Variants in MYH13 observed in about 807,000 individuals in gnomAD.
The protein encoded by MYH13 is myosin heavy chain 13, also known as myosin-13.
A neutral mutation model predicts 232.1 loss-of-function variants in MYH13; 177 were observed. That is an observed-to-expected ratio of 0.76 (90% CI 0.67 to 0.86). MYH13 has a LOEUF of 0.86. MYH13 is among the 40% of genes least tolerant of loss of function. MYH13 has a pLI of 0.00. For missense variants in MYH13, 2,246 were observed against 2,405.9 expected (o/e 0.93, Z 1.39); for synonymous variants, 884 against 923.5 (o/e 0.96, Z 0.78).
chr17:10,327,923 C>T lies in MYH13; in HGVS notation c.2634G>A (p.Glu878=), dbSNP rs372800057. 6.2e-6 allele frequency: 10 copies of T among 1,613,852 alleles called. No individual in the cohort carries two copies. The African/African-American group carries it at 1.1e-4, about 17-fold the overall frequency. The part of the protein sequence containing the change: ...ARSEARRKEL[E]EKMVSLLQEK... The stretch of plus-strand genomic sequence containing the variant: ...CCTGCAGGAGGGAGACCATTTTCTC[C>T]TCCAGCTCCTTCCGGCGAGCCTCAG... The change falls in exon 22 of 41, where the codon GAG becomes GAA. Residue 878 remains glutamate (E), a synonymous_variant. Coordinates refer to ENST00000252172, the MANE Select transcript of MYH13 (RefSeq NM_003802.3).
Position 10,318,799 on chromosome 17 carries a change from G to A in MYH13, c.3729C>T (p.Ser1243=). The change falls in exon 27 of 41, where the codon TCC becomes TCT. Residue 1243 remains serine, a synonymous_variant. Coordinates refer to ENST00000252172, the MANE Select transcript of MYH13 (RefSeq NM_003802.3). ...AGGGCCAGTCAGGTACCTTTGACTT[G>A]GAGAGAGCCTCGATGTTGCTGGCCA... ...DDMASNIEAL[S]KSKSNIERTC... 6.2e-7 allele frequency: 1 copy of A among 1,614,006 alleles called. No homozygotes were observed. The highest frequency in any genetic ancestry group is 8.5e-7 in the Non-Finnish European group (1 of 1,179,940).
intron 18 of MYH13, among the ~76,000 whole-genome samples, chr17:10,336,767 G>A (rs1176145522): frequency 1.3e-5 from 2 of 152,186 alleles, no homozygotes; most frequent in Middle Eastern, 3.4e-3. Flanking sequence ...GAACCTGCTT[G>A]GCCTGTTCAT....
intron 35 of MYH13, 66 bp from the exon 36 acceptor site, chr17:10,307,130 G>T: frequency 6.3e-7 from 1 of 1,578,648 alleles, no homozygotes; most frequent in African/African-American, 1.4e-5. Context: ...TTGGGAGAGG[G>T]TTGGCTGGGG....
chr17:10,306,899 G>A lies in MYH13; in HGVS notation c.5295+40C>T, dbSNP rs766088955. On this transcript the variant is annotated intron_variant, in intron 36 of 40. Transcript: ENST00000252172. This position sits in a 1 kb window ranked among gnomAD's most constrained non-coding sequence, Gnocchi z 4.3. ...CTGGCTCAGAGGCCCCACTTTCTCA[G>A]TTCCAAACCCCATCTCTGAAAAGGA... The A allele has an allele frequency of 1.2e-6, 2 of 1,610,930 alleles. No individual in the cohort carries two copies. Among genetic ancestry groups the A allele is most frequent in the Non-Finnish European group, 1.7e-6 (2 of 1,179,820 alleles).
Position 10,313,063 on chromosome 17 carries a change from G to A in MYH13, c.4181+95C>T, listed in dbSNP as rs777336420. Reference sequence around the variant, plus strand: ...CGAGTGTTTCAGAAACCACAAAGGCGTGGGCAGGAAAGAATCTCTCAAGAT... The same window carrying A: ...CGAGTGTTTCAGAAACCACAAAGGCATGGGCAGGAAAGAATCTCTCAAGAT... On this transcript the variant is annotated intron_variant, in intron 30 of 40. Coordinates refer to ENST00000252172, the MANE Select transcript of MYH13 (RefSeq NM_003802.3). The A allele has an allele frequency of 6.2e-5, 98 of 1,569,704 alleles. No homozygotes were observed. In the Admixed American group the frequency reaches 1.0e-3, roughly 16 times the overall value.
At chr17:10,309,908 C>A in intron 33 of MYH13, 78 bp from the exon 34 acceptor site, 2 of 1,191,852 alleles carry the variant, frequency 1.7e-6, no homozygotes, top group Non-Finnish European at 2.3e-6. Flanking sequence ...CCCATACGAT[C>A]AAATGGGTAT....
At chr17:10,323,321 C>A (rs1223084650) in intron 23 of MYH13, among the ~76,000 whole-genome samples, 1 of 152,208 alleles carries the variant, frequency 6.6e-6, no homozygotes, top group Non-Finnish European at 1.5e-5. Context: ...GTTATCCAGT[C>A]TTCTGCCTCC....
intron 29 of MYH13, among the ~76,000 whole-genome samples, chr17:10,314,960 A>G (rs62061561): frequency 0.056 from 8,512 of 152,264 alleles, 261 homozygotes; most frequent in Non-Finnish European, 0.068. Context: ...GTGCTCCCAA[A>G]ACCATGGAGC....
At position 10,349,568 on chromosome 17, in the gene MYH13, G is replaced by A. The variant is rs1174164122; in HGVS notation, c.1144+988C>T. Among the ~76,000 whole-genome samples the A allele has an allele frequency of 7.9e-5, 12 of 152,012 alleles. 1 individual carries two copies. The East Asian group carries it at 2.1e-3, about 27-fold the overall frequency. Reference sequence around the variant, plus strand: ...CTTGGAGTCCCCTCCACTGTGATGGGCAGGATTCTAGGATGGCACCCAAGG... The same window carrying A: ...CTTGGAGTCCCCTCCACTGTGATGGACAGGATTCTAGGATGGCACCCAAGG... On this transcript the variant is annotated intron_variant, in intron 12 of 40. Transcript: ENST00000252172.
rs1374200434 is a variant in MYH13, at chr17:10,312,033, T to G, written c.4409A>C (p.Glu1470Ala). Residue 1470 changes from glutamate to alanine, a missense_variant, in exon 32 of 41, where the codon GAG (glutamate) becomes GCG (alanine). Glu to Ala is a moderately radical substitution (Grantham distance 107). Coordinates refer to ENST00000252172, the MANE Select transcript of MYH13 (RefSeq NM_003802.3). ...GGACTCCTTCTGAGCAGCTTCCAAC[T>G]CAGCCTGGCTTTCGTCCAGCTTTTG... The part of the protein sequence containing the change: ...WKQKLDESQA[E>A]LEAAQKESRS... 5 of 1,613,848 alleles carry G rather than the reference T, an allele frequency of 3.1e-6. No individual in the cohort carries two copies. In the African/African-American group the frequency reaches 5.3e-5, roughly 17 times the overall value.
intron 7 of MYH13, among the ~76,000 whole-genome samples, chr17:10,358,239 G>A (rs2071764516): frequency 6.6e-6 from 1 of 152,142 alleles, no homozygotes; most frequent in Non-Finnish European, 1.5e-5. Flanking sequence ...CAAAGCAAGC[G>A]ACCCAGGGGA....
At chr17:10,334,363 A>T (rs1380483720) in intron 18 of MYH13, among the ~76,000 whole-genome samples, 1 of 152,194 alleles carries the variant, frequency 6.6e-6, no homozygotes, top group African/African-American at 2.4e-5. Flanking sequence ...ACTGTCAGAT[A>T]CCGTAGTGAC....
At chr17:10,322,366 C>G (rs1464413765) in intron 23 of MYH13, among the ~76,000 whole-genome samples, 1 of 152,152 alleles carries the variant, frequency 6.6e-6, no homozygotes, top group East Asian at 1.9e-4. Context: ...CCACTGCACT[C>G]TAGCCTGGTG....
intron 11 of MYH13, among the ~76,000 whole-genome samples, chr17:10,354,036 C>T (rs1180241662): frequency 6.6e-6 from 1 of 152,126 alleles, no homozygotes; most frequent in Non-Finnish European, 1.5e-5. Flanking sequence ...TCAGCTTCCA[C>T]ATTTGTAAAA....
At chr17:10,317,481 C>T (rs1171432050) in intron 27 of MYH13, 2 of 152,380 alleles carry the variant, frequency 1.3e-5, no homozygotes, top group Non-Finnish European at 2.9e-5. Context: ...TCATATCTCC[C>T]TTCCTTTTCT....
intron 11 of MYH13, among the ~76,000 whole-genome samples, chr17:10,351,926 T>C (rs765720634): frequency 2.4e-4 from 36 of 152,008 alleles, no homozygotes; most frequent in Middle Eastern, 3.2e-3. Flanking sequence ...AGCAGGATGA[T>C]ATTGGAGAGT....
chr17:10,320,333 G>C lies in MYH13; in HGVS notation c.3257+18C>G. On this transcript the variant is annotated intron_variant, in intron 25 of 40. Transcript: ENST00000252172. Reference sequence around the variant, plus strand: ...GGCTTTTAGGCTGAGACACAGAGGTGGTAAAAGAAATATCTACTTTTTCAA... The same window carrying C: ...GGCTTTTAGGCTGAGACACAGAGGTCGTAAAAGAAATATCTACTTTTTCAA... The C allele has an allele frequency of 6.2e-7, 1 of 1,610,276 alleles. No homozygotes were observed. The highest frequency in any genetic ancestry group is 8.5e-7 in the Non-Finnish European group (1 of 1,178,130).
In MYH13 at chr17:10,343,842, G is replaced by C. The variant is rs2071637979; in HGVS notation, c.1852C>G (p.Leu618Val). The change falls in exon 16 of 41, where the codon CTT becomes GTT. Residue 618 changes from leucine to valine, a missense_variant. By Grantham distance (32) the Leu-to-Val change is conservative. Coordinates refer to ENST00000252172, the MANE Select transcript of MYH13 (RefSeq NM_003802.3). ...VGLYQKSSLK[L>V]LSFLFSNYAG... ...TAGTTGGAAAAAAGGAAGGAGAGAA[G>C]CTTCAGCGAAGACTTCTGGTACAGC... is the stretch of plus-strand genomic sequence containing the variant. 5 of 1,609,764 alleles carry C rather than the reference G, an allele frequency of 3.1e-6. No homozygotes were observed. Among genetic ancestry groups the C allele is most frequent in the African/African-American group, 2.7e-5 (2 of 74,828 alleles).
intron 5 of MYH13, among the ~76,000 whole-genome samples, chr17:10,360,891 G>A (rs2071787016): frequency 6.6e-6 from 1 of 152,152 alleles, no homozygotes; most frequent in African/African-American, 2.4e-5. Context: ...AGGGATCAGG[G>A]TGATGCTTCT....
Sources: gnomAD v4.1 joint callset for allele counts (sites outside exome capture counted in the v4.1 genomes callset) on GRCh38, gnomAD v4.1.1 for gene constraint, Gnocchi (gnomAD v3.1) non-coding constraint, MANE v1.5 for transcripts, NCBI Gene and HGNC (gene_info 2026-07-23, HGNC 2026-07-21) for gene names.